The following SH3PXD2A variants were observed in gnomAD, a reference collection of about 807,000 sequenced individuals.
The protein encoded by SH3PXD2A is SH3 and PX domain-containing protein 2A.
Under a neutral mutation model 115.2 loss-of-function variants are expected in SH3PXD2A, and 32 were observed. That is an observed-to-expected ratio of 0.28 (90% CI 0.21 to 0.37). SH3PXD2A has a LOEUF of 0.37. Ranked by LOEUF, SH3PXD2A falls within the 10% of genes least tolerant of loss-of-function variation. The pLI is 1.00. For synonymous variants in SH3PXD2A, 610 were observed against 629.1 expected (o/e 0.97, Z 0.45); for missense variants, 1,328 against 1,498.7 (o/e 0.89, Z 1.88).
intron 5 of SH3PXD2A, among the ~76,000 whole-genome samples, chr10:103,694,615 T>C (rs1592305326): frequency 6.6e-6 from 1 of 152,154 alleles, no homozygotes; most frequent in African/African-American, 2.4e-5. Flanking sequence ...GTATTCCATG[T>C]CTCCTTCAAT....
At chr10:103,617,426 T>C (rs1180569061) in intron 10 of SH3PXD2A, 112 bp from the exon 11 acceptor site, 12 of 746,318 alleles carry the variant, frequency 1.6e-5, no homozygotes, top group Non-Finnish European at 2.5e-5. Context: ...GCCAAGAAGG[T>C]CCACTGGGTT....
intron 8 of SH3PXD2A, among the ~76,000 whole-genome samples, chr10:103,653,172 T>G (rs1187924475): frequency 6.6e-6 from 1 of 152,184 alleles, no homozygotes; most frequent in Non-Finnish European, 1.5e-5. Flanking sequence ...TTCGCAATAT[T>G]TGAGCCCCAT....
intron 5 of SH3PXD2A, 32 bp downstream of exon 5, chr10:103,724,238 A>G: frequency 7.7e-7 from 1 of 1,297,206 alleles, no homozygotes; most frequent in Non-Finnish European, 1.1e-6. Context: ...ACGCCTCCCC[A>G]GCACACAGGA....
At chr10:103,832,671 C>G (rs1296137538) in intron 1 of SH3PXD2A, among the ~76,000 whole-genome samples, 1 of 152,128 alleles carries the variant, frequency 6.6e-6, no homozygotes, top group African/African-American at 2.4e-5. Context: ...CCAAACATCG[C>G]ATGTTCTTAC....
At chr10:103,668,496 AC>A (rs2134077392) in intron 7 of SH3PXD2A, 111 bp downstream of exon 7, 1 of 945,668 alleles carries the variant, frequency 1.1e-6, no homozygotes, top group South Asian at 1.5e-5. Flanking sequence ...ATGCTGGCAA[AC>A]AGCTGCTGCA....
At chr10:103,604,079 C>T (rs1295161003) in intron 14 of SH3PXD2A, among the ~76,000 whole-genome samples, 1 of 152,180 alleles carries the variant, frequency 6.6e-6, no homozygotes, top group Non-Finnish European at 1.5e-5. Flanking sequence ...TCTGCCTCCC[C>T]CTAAACTGCA....
intron 2 of SH3PXD2A, among the ~76,000 whole-genome samples, chr10:103,769,900 A>G (rs116382972): frequency 0.016 from 2,388 of 152,318 alleles, 72 homozygotes; most frequent in African/African-American, 0.053. Context: ...AATAAATTCT[A>G]TACAGATTAG....
Position 103,769,918 on chromosome 10 carries a change from A to G in SH3PXD2A, c.154-2749T>C, listed in dbSNP as rs570589684. On this transcript the variant is annotated intron_variant, in intron 2 of 14. Transcript: ENST00000369774. ...AAATTCTATACAGATTAGGACTCCT[A>G]TTTTCTCCTTTTCCCATTTTCCTCA... is the stretch of plus-strand genomic sequence containing the variant. Among the ~76,000 whole-genome samples, 6 of 152,122 alleles carry G rather than the reference A, an allele frequency of 3.9e-5. No homozygotes were observed. The South Asian group carries it at 1.0e-3, about 26-fold the overall frequency.
chr10:103,681,722 T>C (rs1564862375), intron 6 of SH3PXD2A, among the ~76,000 whole-genome samples: 1 of 150,796 alleles, frequency 6.6e-6, no homozygotes, highest in Non-Finnish European at 1.5e-5. Flanking sequence ...CCAGCCTGGG[T>C]GACAGAGTGA....
chr10:103,614,092 T>TG (rs2036471686), intron 11 of SH3PXD2A, among the ~76,000 whole-genome samples: 1 of 86,138 alleles, frequency 1.2e-5, no homozygotes, highest in South Asian at 7.3e-4. Context: ...AAAAAAAATT[T>TG]TTTTTTTTTT....
Position 103,599,556 on chromosome 10 carries a change from C to CT in SH3PXD2A, c.*2259dup, listed in dbSNP as rs1025839110. 1 of 152,494 alleles carries CT rather than the reference C, an allele frequency of 6.6e-6. No homozygotes were observed. Among genetic ancestry groups the CT allele is most frequent in the Non-Finnish European group, 1.5e-5 (1 of 68,032 alleles). The allele number at this position is 152,494 out of a possible 1,614,324, so 9.4% of individuals were successfully genotyped here. A position where few individuals can be genotyped will look rare whatever the true frequency, so the allele number is the denominator to read the frequency against. ...TTTTATTTTAAATAGTCATAAATTACTTTTTTTCTCTTAATAAATATGTGC... is the reference window on the plus strand; with the variant it reads ...TTTTATTTTAAATAGTCATAAATTACTTTTTTTTCTCTTAATAAATATGTGC... On this transcript the variant is annotated 3_prime_UTR_variant, in exon 15 of 15. Coordinates refer to ENST00000369774, the MANE Select transcript of SH3PXD2A (RefSeq NM_001394015.1).
At chr10:103,685,041 C>G (rs1236569409) in intron 6 of SH3PXD2A, among the ~76,000 whole-genome samples, 2 of 147,708 alleles carry the variant, frequency 1.4e-5, no homozygotes, top group Admixed American at 1.4e-4. Flanking sequence ...AAAACAAAAA[C>G]AAAAACAAAA....
chr10:103,814,473 G>A (rs1321356556), intron 1 of SH3PXD2A, among the ~76,000 whole-genome samples: 1 of 152,192 alleles, frequency 6.6e-6, no homozygotes, highest in Non-Finnish European at 1.5e-5. Context: ...GAGTGCCAGC[G>A]ATGGGGAAGC....
intron 6 of SH3PXD2A, among the ~76,000 whole-genome samples, chr10:103,690,307 A>G (rs2037734335): frequency 6.6e-6 from 1 of 152,258 alleles, no homozygotes; most frequent in African/African-American, 2.4e-5. Context: ...AATCTTCGTT[A>G]TAACCATATG....
At chr10:103,841,349 G>A (rs890360710) in intron 1 of SH3PXD2A, among the ~76,000 whole-genome samples, 1 of 152,152 alleles carries the variant, frequency 6.6e-6, no homozygotes, top group Non-Finnish European at 1.5e-5. Flanking sequence ...GCACACAGTA[G>A]GCACAAAAAT....
At position 103,599,736 on chromosome 10, in the gene SH3PXD2A, A is replaced by G. The variant is rs2133900730; in HGVS notation, c.*2080T>C. The G allele has an allele frequency of 6.5e-6, 1 of 152,788 alleles. No individual in the cohort carries two copies. The highest frequency in any genetic ancestry group is 2.1e-4 in the South Asian group (1 of 4,830). The allele number at this position is 152,788 out of a possible 1,614,324, so 9.5% of individuals were successfully genotyped here. ...TCAAATAAGTACAAATAATATTAAC[A>G]TGAAGACACTAAACCACTACCATTA... On this transcript the variant is annotated 3_prime_UTR_variant, in exon 15 of 15. Coordinates refer to ENST00000369774, the MANE Select transcript of SH3PXD2A (RefSeq NM_001394015.1).
intron 3 of SH3PXD2A, among the ~76,000 whole-genome samples, chr10:103,740,001 T>C (rs545502240): frequency 2.4e-4 from 36 of 152,316 alleles, no homozygotes; most frequent in Non-Finnish European, 4.4e-4. Flanking sequence ...ATCGGAGGCC[T>C]GGGCTCTATG....
chr10:103,622,431 G>C (rs762174397), intron 10 of SH3PXD2A, 39 bp downstream of exon 10: 2 of 1,317,100 alleles, frequency 1.5e-6, no homozygotes, highest in Non-Finnish European at 2.1e-6. Context: ...AGAGACAGGC[G>C]GTCGCTGCGA....
intron 8 of SH3PXD2A, among the ~76,000 whole-genome samples, chr10:103,635,667 C>G (rs1275013139): frequency 6.6e-6 from 1 of 152,222 alleles, no homozygotes; most frequent in Non-Finnish European, 1.5e-5. Flanking sequence ...GGGCTAAACC[C>G]CTAGACCGGA....
Sources: gnomAD v4.1 joint callset for allele counts (sites outside exome capture counted in the v4.1 genomes callset) on GRCh38, gnomAD v4.1.1 for gene constraint, MANE v1.5 for transcripts, NCBI Gene and HGNC (gene_info 2026-07-23, HGNC 2026-07-21) for gene names.